The following CUX1 variants were observed in gnomAD, a reference collection of about 807,000 sequenced individuals.
The protein encoded by CUX1 is cut like homeobox 1, also known as protein CASP.
CUX1 carries 31 observed loss-of-function variants against 158.8 expected under a neutral mutation model. That is an observed-to-expected ratio of 0.20 (90% CI 0.15 to 0.26). CUX1 has a LOEUF of 0.26. Ranked by LOEUF, CUX1 falls within the 10% of genes least tolerant of loss-of-function variation. CUX1 has a pLI of 1.00. For missense variants in CUX1, 1,589 were observed against 2,014.6 expected (o/e 0.79, Z 4.04); for synonymous variants, 879 against 862.1 (o/e 1.02, Z -0.34).
chr7:102,248,243 A>T lies in CUX1; in HGVS notation c.3888-169A>T, dbSNP rs1420603157. ...GCCAGGCCCGGAGGGGTGGGTGGTG[A>T]CTCTGGAGAGGGGCTGCCCCGTGGC... On this transcript the variant is annotated intron_variant, in intron 23 of 23. Transcript: ENST00000292535. The surrounding 1 kb of genome is among the most constrained non-coding windows in gnomAD (Gnocchi z 5.8). Among the ~76,000 whole-genome samples, 1 of 151,946 alleles carries T rather than the reference A, an allele frequency of 6.6e-6. No individual in the cohort carries two copies. The highest frequency in any genetic ancestry group is 1.5e-5 in the Non-Finnish European group (1 of 67,948).
intron 4 of CUX1, among the ~76,000 whole-genome samples, chr7:102,073,165 C>CTTTCTTTTTTTT (rs1407935481): frequency 4.5e-5 from 3 of 66,884 alleles, no homozygotes; most frequent in African/African-American, 6.4e-5. Context: ...TCTTTTCTTT[C>CTTTCTTTTTTTT]TTTTTTTTTT....
chr7:101,842,731 G>A lies in CUX1; in HGVS notation c.30+25062G>A, dbSNP rs142701521. Among the ~76,000 whole-genome samples the A allele has an allele frequency of 2.8e-4, 42 of 150,674 alleles. No homozygotes were observed. The East Asian group carries it at 7.3e-3, about 26-fold the overall frequency. On this transcript the variant is annotated intron_variant, in intron 1 of 23. Coordinates refer to ENST00000292535, the MANE Select transcript of CUX1 (RefSeq NM_181552.4). ...TGTTACATTATATTAGGTTAAGGCT[G>A]TACTGTTACATTGCATGTATGATCA...
At chr7:101,989,259 T>C (rs1377002953) in intron 2 of CUX1, among the ~76,000 whole-genome samples, 1 of 152,154 alleles carries the variant, frequency 6.6e-6, no homozygotes, top group African/African-American at 2.4e-5. Flanking sequence ...TCAGGTGGTA[T>C]CTGGTTCCAC....
chr7:101,850,659 C>T (rs1051208772), intron 1 of CUX1, among the ~76,000 whole-genome samples: 1 of 152,114 alleles, frequency 6.6e-6, no homozygotes, highest in Non-Finnish European at 1.5e-5. Context: ...GGATTACAGG[C>T]ATGAGCCATT....
intron 14 of CUX1, among the ~76,000 whole-genome samples, chr7:102,267,171 G>A (rs1388181543): frequency 6.6e-6 from 1 of 151,992 alleles, no homozygotes; most frequent in African/African-American, 2.4e-5. Context: ...CCCCCTCAGT[G>A]TCCTCCTAGC....
At chr7:102,093,717 T>C (rs1828894793) in intron 4 of CUX1, among the ~76,000 whole-genome samples, 1 of 152,232 alleles carries the variant, frequency 6.6e-6, no homozygotes, top group African/African-American at 2.4e-5. Flanking sequence ...CCTTGAGCCC[T>C]GTGTTGCATA....
At chr7:102,262,409 T>TGGATGGATGGAC (rs1554544106), downstream of CUX1, among the ~76,000 whole-genome samples, 4 of 151,262 alleles carry the variant, frequency 2.6e-5, no homozygotes, top group Non-Finnish European at 5.9e-5. Context: ...GATGGATGGA[T>TGGATGGATGGAC]GGATGGATGG....
intron 1 of CUX1, among the ~76,000 whole-genome samples, chr7:101,825,753 C>CTG (rs537662700): frequency 0.074 from 9,535 of 129,170 alleles, 389 homozygotes; most frequent in Non-Finnish European, 0.087. Flanking sequence ...TTAATGAAAT[C>CTG]TGTGTGTGTG....
At chr7:101,881,355 A>G (rs755828802) in intron 1 of CUX1, among the ~76,000 whole-genome samples, 1 of 152,186 alleles carries the variant, frequency 6.6e-6, no homozygotes, top group Non-Finnish European at 1.5e-5. Flanking sequence ...CCGTGTTCCC[A>G]TGTACAGACC....
At chr7:102,170,652 A>G in intron 10 of CUX1, 102 bp downstream of exon 10, 1 of 784,760 alleles carries the variant, frequency 1.3e-6, no homozygotes, top group East Asian at 2.8e-5. Context: ...CTTTTTGGGA[A>G]TCACGTTTTA....
intron 1 of CUX1, among the ~76,000 whole-genome samples, chr7:101,828,608 C>T (rs540081859): frequency 1.8e-4 from 27 of 152,232 alleles, no homozygotes; most frequent in Non-Finnish European, 3.5e-4. Flanking sequence ...GAATGTCTCA[C>T]GTCTGCCTTG....
intron 2 of CUX1, among the ~76,000 whole-genome samples, chr7:101,990,594 C>G (rs565329010): frequency 6.6e-6 from 1 of 152,086 alleles, no homozygotes; most frequent in East Asian, 1.9e-4. Flanking sequence ...CCAGGCTGAT[C>G]GTGAACTCCT....
At chr7:102,223,148 C>T (rs578165211) in intron 20 of CUX1, among the ~76,000 whole-genome samples, 34 of 151,894 alleles carry the variant, frequency 2.2e-4, no homozygotes, top group African/African-American at 8.2e-4. Flanking sequence ...AGTGGCCGGG[C>T]ACAGTGGCTC....
At chr7:102,040,366 C>G (rs1821925884) in intron 3 of CUX1, among the ~76,000 whole-genome samples, 1 of 152,138 alleles carries the variant, frequency 6.6e-6, no homozygotes, top group Non-Finnish European at 1.5e-5. Flanking sequence ...GCAGTGAGTG[C>G]CAGGGCTCTG....
intron 2 of CUX1, among the ~76,000 whole-genome samples, chr7:101,990,227 G>A (rs1436984031): frequency 3.9e-5 from 6 of 151,996 alleles, no homozygotes; most frequent in South Asian, 2.1e-4. Context: ...TTAGCTGGGC[G>A]TGGTAGTCCC....
chr7:101,989,408 TC>T (rs1476365764), intron 2 of CUX1, among the ~76,000 whole-genome samples: 1 of 152,220 alleles, frequency 6.6e-6, no homozygotes, highest in African/African-American at 2.4e-5. Flanking sequence ...GCCTCTAGCA[TC>T]CTGCTGGGGT....
chr7:102,094,120 T>C (rs1165300453), intron 4 of CUX1, among the ~76,000 whole-genome samples: 1 of 152,228 alleles, frequency 6.6e-6, no homozygotes, highest in Non-Finnish European at 1.5e-5. Flanking sequence ...AGCCCAAACA[T>C]GCTAGAGTCA....
chr7:102,008,474 C>T (rs373941270), intron 2 of CUX1, among the ~76,000 whole-genome samples: 1 of 152,086 alleles, frequency 6.6e-6, no homozygotes, highest in Non-Finnish European at 1.5e-5. Flanking sequence ...GCCTGTCTTT[C>T]GGCACATTTC....
At position 101,869,974 on chromosome 7, in the gene CUX1, C is replaced by G. The variant is rs551418271; in HGVS notation, c.31-46141C>G. The stretch of plus-strand genomic sequence containing the variant: ...TGGGAAGGCGGCTCCTCGTGCCCCC[C>G]CTCTTGTGCCTTCCCTCCCCAGTGC... On this transcript the variant is annotated intron_variant, in intron 1 of 23. Transcript: ENST00000292535. The surrounding 1 kb of genome is among the most constrained non-coding windows in gnomAD (Gnocchi z 4.5). 4.6e-5 allele frequency among the ~76,000 whole-genome samples: 7 copies of G among 151,982 alleles called. No individual in the cohort carries two copies. Among genetic ancestry groups the G allele is most frequent in the East Asian group, 3.9e-4 (2 of 5,128 alleles).
Sources: gnomAD v4.1 joint callset for allele counts (sites outside exome capture counted in the v4.1 genomes callset) on GRCh38, gnomAD v4.1.1 for gene constraint, Gnocchi (gnomAD v3.1) non-coding constraint, MANE v1.5 for transcripts, NCBI Gene and HGNC (gene_info 2026-07-23, HGNC 2026-07-21) for gene names.